Variants in ARL10 observed in about 807,000 individuals in gnomAD.
ARL10 encodes the protein ARF like GTPase 10.
Under a neutral mutation model 26.1 loss-of-function variants are expected in ARL10, and 23 were observed. The ratio of observed to expected loss-of-function variants is 0.88; its 90% CI spans 0.63 to 1.25. The LOEUF (loss-of-function observed/expected upper bound fraction) is 1.25, where lower values mean the gene tolerates loss of function less well. ARL10 is among the 50% of genes most tolerant of loss of function. The probability of loss-of-function intolerance (pLI) is 0.00; values close to 1 mark genes in which losing one functional copy is unlikely to be tolerated. For synonymous variants in ARL10, 138 were observed against 149.1 expected, an observed-to-expected ratio of 0.93 and a Z score of 0.54; for missense variants, 300 against 323.6, an observed-to-expected ratio of 0.93 and a Z score of 0.56.
chr5:176,372,976 A>T lies in ARL10; in HGVS notation c.*1081A>T, dbSNP rs1045998864. 11 of 398,436 alleles carry T rather than the reference A, an allele frequency of 2.8e-5. No individual in the cohort carries two copies. The highest frequency in any genetic ancestry group is 4.4e-5 in the Non-Finnish European group (10 of 226,060). 24.7% of individuals were successfully genotyped at this position (398,436 alleles called of 1,614,324 possible). On this transcript the variant is annotated 3_prime_UTR_variant, in exon 4 of 4. Coordinates refer to ENST00000310389, the MANE Select transcript of ARL10 (RefSeq NM_173664.6). ...GACAAAGTTGTGGGTTCCTCCTCCC[A>T]CCTGGCTTTGAGGCTGTCGTCGATA... is the stretch of plus-strand genomic sequence containing the variant.
chr5:176,384,551 C>T, downstream of ARL10: 1 of 636,296 alleles, frequency 1.6e-6, no homozygotes, highest in Non-Finnish European at 2.7e-6. Flanking sequence ...CTCTGGGAGG[C>T]CGAGGTGGGA....
downstream of ARL10, chr5:176,406,301 C>T (rs945925250): frequency 2.3e-5 from 24 of 1,054,432 alleles, no homozygotes; most frequent in East Asian, 4.0e-4. Context: ...AGGCAGGAGG[C>T]GACAGTCAGG....
chr5:176,388,929 A>C (rs1438661400), downstream of ARL10: 2 of 1,614,176 alleles, frequency 1.2e-6, no homozygotes, highest in East Asian at 4.5e-5. Flanking sequence ...AGTTTCAAGG[A>C]AAAGTTCGTT....
intron 1 of ARL10, among the ~76,000 whole-genome samples, chr5:176,387,426 TAGTTA>T (rs1755956235): frequency 6.6e-6 from 1 of 152,248 alleles, no homozygotes; most frequent in Non-Finnish European, 1.5e-5. Context: ...TCTCAATAAG[TAGTTA>T]ACCTAATGAA....
At chr5:176,367,952 G>C (rs1159267710) in intron 2 of ARL10, 2 of 531,470 alleles carry the variant, frequency 3.8e-6, no homozygotes, top group Non-Finnish European at 7.7e-6. Flanking sequence ...GCAGCACCCA[G>C]ATCAGTGCTT....
chr5:176,389,337 T>TGGCCACGGCGGCCGCCC (rs1756164613), downstream of ARL10: 1 of 1,613,120 alleles, frequency 6.2e-7, no homozygotes, highest in East Asian at 2.2e-5. Context: ...TCAGGTTGCC[T>TGGCCACGGCGGCCGCCC]GGCCACGGCG....
chr5:176,406,732 A>G (rs1353437903), downstream of ARL10: 4 of 1,277,632 alleles, frequency 3.1e-6, no homozygotes, highest in Non-Finnish European at 4.1e-6. Context: ...GAAGAAAGGA[A>G]GCACAAAAGC....
intron 1 of ARL10, among the ~76,000 whole-genome samples, chr5:176,400,166 C>A (rs1345540668): frequency 6.7e-6 from 1 of 149,548 alleles, no homozygotes. Context: ...CATTGCACTC[C>A]AGCCTGGGCA....
At chr5:176,412,129 TCC>T in the ARL10 span, among the ~76,000 whole-genome samples, 3 of 138,298 alleles carry the variant, frequency 2.2e-5, no homozygotes, top group African/African-American at 8.3e-5. Context: ...TGAGCCGAGA[TCC>T]CGCCACTGCA....
rs1394191365 is a variant in ARL10 at position 176,374,505 on chromosome 5, G to A, written c.*2610G>A. On this transcript the variant is annotated 3_prime_UTR_variant, in exon 4 of 4. Transcript: ENST00000310389. The stretch of plus-strand genomic sequence containing the variant: ...GGGGACCTTAGGATGGCTATCAGGA[G>A]TGTAATACCAAGAAACTGGAATGCA... 1.3e-5 allele frequency: 2 copies of A among 152,192 alleles called. No individual in the cohort carries two copies. Among genetic ancestry groups the A allele is most frequent in the African/African-American group, 4.8e-5 (2 of 41,432 alleles). The allele number at this position is 152,192 out of a possible 1,614,324, so 9.4% of individuals were successfully genotyped here.
chr5:176,370,523 C>T (rs1482750532), intron 3 of ARL10, among the ~76,000 whole-genome samples: 1 of 152,140 alleles, frequency 6.6e-6, no homozygotes, highest in Admixed American at 6.5e-5. Context: ...TATTAGGAAA[C>T]ATTTGACAAT....
At chr5:176,391,612 A>AG (rs1318030779), downstream of ARL10, among the ~76,000 whole-genome samples, 1 of 152,214 alleles carries the variant, frequency 6.6e-6, no homozygotes, top group African/African-American at 2.4e-5. Context: ...ACCCTGTTTG[A>AG]GAAAAAAAAC....
rs1755540752 is a variant in ARL10, at chr5:176,380,934, A to T, written c.*9039A>T. On this transcript the variant is annotated 3_prime_UTR_variant, in exon 4 of 4. Coordinates refer to ENST00000310389, the MANE Select transcript of ARL10 (RefSeq NM_173664.6). ...GCATACACCACCACACGCCCAACTA[A>T]CTTCTGTATTTTTTGTAGAGATGGG... The T allele has an allele frequency of 6.6e-6, 1 of 151,490 alleles. No homozygotes were observed. Among genetic ancestry groups the T allele is most frequent in the African/African-American group, 2.4e-5 (1 of 41,186 alleles). The allele number at this position is 151,490 out of a possible 1,614,324, so 9.4% of individuals were successfully genotyped here. A position where few individuals can be genotyped will look rare whatever the true frequency, so the allele number is the denominator to read the frequency against.
At chr5:176,406,745 T>C (rs529979184), downstream of ARL10, 5 of 1,265,648 alleles carry the variant, frequency 4.0e-6, no homozygotes, top group Non-Finnish European at 5.1e-6. Flanking sequence ...ACAAAAGCTC[T>C]GTCTGGGATC....
At chr5:176,414,432 CT>C in the ARL10 span, among the ~76,000 whole-genome samples, 56,779 of 134,554 alleles carry the variant, frequency 0.42, 11,226 homozygotes, top group African/African-American at 0.5. Context: ...GCTATAGAAT[CT>C]TTTTTTTTTT....
At chr5:176,371,003 T>G (rs1254377275) in intron 3 of ARL10, among the ~76,000 whole-genome samples, 1 of 152,228 alleles carries the variant, frequency 6.6e-6, no homozygotes, top group Non-Finnish European at 1.5e-5. Flanking sequence ...ACTTTTCTCA[T>G]CAATTAAGTG....
At chr5:176,395,131 T>C (rs1200293769) in intron 1 of ARL10, among the ~76,000 whole-genome samples, 1 of 147,692 alleles carries the variant, frequency 6.8e-6, no homozygotes, top group Non-Finnish European at 1.5e-5. Flanking sequence ...CCTGTAGAGC[T>C]TCAGCCACTG....
At chr5:176,406,832 C>T, downstream of ARL10, 1 of 665,498 alleles carries the variant, frequency 1.5e-6, no homozygotes, top group Non-Finnish European at 2.1e-6. Context: ...TATGCTCAAT[C>T]CTAAAGAGCT....
intron 1 of ARL10, among the ~76,000 whole-genome samples, chr5:176,400,296 T>C (rs1342622629): frequency 2.0e-5 from 3 of 152,168 alleles, no homozygotes; most frequent in Non-Finnish European, 4.4e-5. Context: ...TTGTGAGATA[T>C]TTAGAAGAGT....
Sources: allele counts gnomAD v4.1 joint callset (sites outside exome capture counted in the v4.1 genomes callset), GRCh38; gene constraint gnomAD v4.1.1; transcripts MANE v1.5; gene names NCBI Gene and HGNC (gene_info 2026-07-23, HGNC 2026-07-21).